Variants in KIAA1328 observed in about 807,000 individuals in gnomAD.
KIAA1328 encodes the protein protein hinderin.
A neutral mutation model predicts 68.1 loss-of-function variants in KIAA1328; 52 were observed. The ratio of observed to expected loss-of-function variants is 0.76; its 90% confidence interval spans 0.61 to 0.96. The LOEUF (loss-of-function observed/expected upper bound fraction) is 0.96. Ranked by LOEUF, KIAA1328 falls within the 40% of genes least tolerant of loss-of-function variation. The pLI, the probability that KIAA1328 is intolerant of heterozygous loss-of-function variation, is 0.00. For missense variants in KIAA1328, 641 were observed against 677.6 expected (o/e 0.95, Z 0.60); for synonymous variants, 232 against 239.4 (o/e 0.97, Z 0.28).
chr18:37,122,151 G>T (rs1287000540), intron 7 of KIAA1328, among the ~76,000 whole-genome samples: 1 of 152,112 alleles, frequency 6.6e-6, no homozygotes, highest in Non-Finnish European at 1.5e-5. Context: ...AATACAAGCA[G>T]TAAGAAAGAC....
chr18:36,972,911 A>T (rs1040253815), intron 6 of KIAA1328, among the ~76,000 whole-genome samples: 27 of 152,234 alleles, frequency 1.8e-4, no homozygotes, highest in African/African-American at 5.5e-4. Context: ...CAACAAGGTG[A>T]TAGTTAAAAT....
intron 4 of KIAA1328, among the ~76,000 whole-genome samples, chr18:36,845,872 C>A (rs549014423): frequency 6.6e-6 from 1 of 151,636 alleles, no homozygotes; most frequent in African/African-American, 2.4e-5. Flanking sequence ...TATTTAATAA[C>A]CCTCTACTTC....
At chr18:36,848,388 AT>A in intron 4 of KIAA1328, among the ~76,000 whole-genome samples, 1 of 151,374 alleles carries the variant, frequency 6.6e-6, no homozygotes, top group East Asian at 1.9e-4. Flanking sequence ...TGAAAAATAG[AT>A]TTTTTTAACA....
At chr18:37,074,864 C>T (rs1262430587) in intron 7 of KIAA1328, 1 of 152,256 alleles carries the variant, frequency 6.6e-6, no homozygotes, top group African/African-American at 2.4e-5. Context: ...AGGAGAGGTG[C>T]TCTGCTTTTT....
chr18:37,141,836 T>C (rs1285997381), intron 7 of KIAA1328, among the ~76,000 whole-genome samples: 1 of 152,212 alleles, frequency 6.6e-6, no homozygotes, highest in Non-Finnish European at 1.5e-5. Context: ...CCTGATGATG[T>C]TTATTGGCCA....
At chr18:36,852,706 T>C (rs1361163563) in intron 4 of KIAA1328, among the ~76,000 whole-genome samples, 1 of 152,190 alleles carries the variant, frequency 6.6e-6, no homozygotes, top group African/African-American at 2.4e-5. Context: ...TTGTTTTTTG[T>C]TATCATTTCT....
chr18:37,166,111 A>G (rs2059384894), intron 8 of KIAA1328, among the ~76,000 whole-genome samples: 1 of 150,308 alleles, frequency 6.7e-6, no homozygotes, highest in Non-Finnish European at 1.5e-5. Context: ...TAAATGCATC[A>G]GGAAACATCA....
At chr18:36,888,950 TATTATACCAAC>T (rs1403837044) in intron 5 of KIAA1328, among the ~76,000 whole-genome samples, 1 of 152,176 alleles carries the variant, frequency 6.6e-6, no homozygotes, top group African/African-American at 2.4e-5. Context: ...TTTAAAGATG[TATTATACCAAC>T]ATTTATGGGG....
intron 9 of KIAA1328, among the ~76,000 whole-genome samples, chr18:37,203,252 A>T (rs989493735): frequency 6.6e-6 from 1 of 152,102 alleles, no homozygotes; most frequent in Admixed American, 6.5e-5. Context: ...ACCACACAAG[A>T]TAAGATTTTC....
At chr18:37,031,665 A>G (rs2054834524) in intron 6 of KIAA1328, among the ~76,000 whole-genome samples, 1 of 152,200 alleles carries the variant, frequency 6.6e-6, no homozygotes, top group Non-Finnish European at 1.5e-5. Flanking sequence ...TTTACCCTTG[A>G]TGCAGTTATC....
At chr18:36,880,101 G>A (rs1446584268) in intron 4 of KIAA1328, among the ~76,000 whole-genome samples, 1 of 152,160 alleles carries the variant, frequency 6.6e-6, no homozygotes, top group African/African-American at 2.4e-5. Flanking sequence ...TAGCTAGCTT[G>A]GTGTCTGCTC....
chr18:37,150,834 C>T (rs955512397), intron 7 of KIAA1328, among the ~76,000 whole-genome samples: 1 of 152,128 alleles, frequency 6.6e-6, no homozygotes, highest in Non-Finnish European at 1.5e-5. Flanking sequence ...AAAAAGACCT[C>T]TCATCAAGCT....
chr18:37,079,745 G>A (rs1308992763), intron 7 of KIAA1328, among the ~76,000 whole-genome samples: 2 of 151,914 alleles, frequency 1.3e-5, no homozygotes, highest in Non-Finnish European at 2.9e-5. Context: ...AAATTAGCCA[G>A]GCATGGTGGT....
chr18:36,930,035 C>A (rs2050256256), intron 5 of KIAA1328, among the ~76,000 whole-genome samples: 1 of 152,004 alleles, frequency 6.6e-6, no homozygotes, highest in Non-Finnish European at 1.5e-5. Context: ...GACTCTCAGG[C>A]CTGTTGTCCT....
chr18:37,166,664 C>A (rs2059395615), intron 8 of KIAA1328, among the ~76,000 whole-genome samples: 4 of 152,134 alleles, frequency 2.6e-5, no homozygotes, highest in Admixed American at 2.6e-4. Flanking sequence ...TCTGTTTTAA[C>A]CTGTCTGTGG....
At chr18:37,042,387 C>G (rs1164731563) in intron 6 of KIAA1328, among the ~76,000 whole-genome samples, 6 of 152,172 alleles carry the variant, frequency 3.9e-5, no homozygotes, top group Non-Finnish European at 8.8e-5. Context: ...TTCAGCATTT[C>G]TTATAAAGGC....
intron 7 of KIAA1328, among the ~76,000 whole-genome samples, chr18:37,084,659 A>G (rs894384614): frequency 7.2e-5 from 11 of 152,122 alleles, no homozygotes; most frequent in African/African-American, 2.7e-4. Context: ...ATATTTATCT[A>G]TTAGTCTGTT....
intron 9 of KIAA1328, among the ~76,000 whole-genome samples, chr18:37,178,784 G>T (rs1438682457): frequency 6.6e-6 from 1 of 152,108 alleles, no homozygotes; most frequent in East Asian, 1.9e-4. Flanking sequence ...CAGGAGCAAA[G>T]TGATATTTCA....
chr18:36,850,499 A>G (rs542732187), intron 4 of KIAA1328, among the ~76,000 whole-genome samples: 1 of 152,136 alleles, frequency 6.6e-6, no homozygotes, highest in Non-Finnish European at 1.5e-5. Flanking sequence ...AATCCTATAT[A>G]TATATTTTTT....
Sources: allele counts gnomAD v4.1 joint callset (sites outside exome capture counted in the v4.1 genomes callset), GRCh38; gene constraint gnomAD v4.1.1; transcripts MANE v1.5; gene names NCBI Gene and HGNC (gene_info 2026-07-23, HGNC 2026-07-21).